Variants in MYO10 observed in about 807,000 individuals in gnomAD.
MYO10 encodes the protein unconventional myosin-X.
A neutral mutation model predicts 257.3 loss-of-function variants in MYO10; 133 were observed. The observed-to-expected ratio is 0.52, with a 90% CI of 0.45 to 0.60. The LOEUF is 0.60. Ranked by LOEUF, MYO10 falls within the 20% of genes least tolerant of loss-of-function variation. The probability of loss-of-function intolerance (pLI) is 0.00; values close to 1 mark genes in which losing one functional copy is unlikely to be tolerated. For missense variants in MYO10, 2,399 were observed against 2,635.7 expected (o/e 0.91, Z 1.97); for synonymous variants, 1,104 against 1,028.6 (o/e 1.07, Z -1.40).
Position 16,780,713 on chromosome 5 carries a change from A to G in MYO10, c.741+15T>C, listed in dbSNP as rs1046102152. 5.7e-6 allele frequency: 9 copies of G among 1,569,148 alleles called. No homozygotes were observed. The African/African-American group carries it at 8.1e-5, about 14-fold the overall frequency. On this transcript the variant is annotated intron_variant, in intron 7 of 40. Coordinates refer to ENST00000513610, the MANE Select transcript of MYO10 (RefSeq NM_012334.3). Reference sequence around the variant, plus strand: ...TATTATGGAAGAAAATGTGGATTAAATCACGTTTACTTACTTTTTCTAATA... The same window carrying G: ...TATTATGGAAGAAAATGTGGATTAAGTCACGTTTACTTACTTTTTCTAATA...
At chr5:16,768,468 C>T (rs760973830) in intron 10 of MYO10, among the ~76,000 whole-genome samples, 8 of 152,052 alleles carry the variant, frequency 5.3e-5, no homozygotes, top group Non-Finnish European at 1.0e-4. Context: ...CAACATTTTC[C>T]TATGTCGATT....
At chr5:16,721,667 A>G (rs535121592) in intron 19 of MYO10, among the ~76,000 whole-genome samples, 2 of 152,188 alleles carry the variant, frequency 1.3e-5, no homozygotes, top group African/African-American at 4.8e-5. Context: ...CTCACCAAGT[A>G]CAACCTTCAA....
intron 19 of MYO10, among the ~76,000 whole-genome samples, chr5:16,715,392 A>ATTTTTTTTTTTT (rs372307063): frequency 3.6e-5 from 3 of 84,336 alleles, no homozygotes; most frequent in Non-Finnish European, 6.3e-5. Context: ...TAAGATTGAA[A>ATTTTTTTTTTTT]TTTTTTTTTT....
chr5:16,746,930 T>C lies in MYO10; in HGVS notation c.1929+7898A>G, dbSNP rs114511003. ...GTTCCATCTCAATGTTAAAATCTAA[T>C]GTTTAATTAACCTTTCAGTTTAAAC... On this transcript the variant is annotated intron_variant, in intron 19 of 40. Coordinates refer to ENST00000513610, the MANE Select transcript of MYO10 (RefSeq NM_012334.3). Among the ~76,000 whole-genome samples, 424 of 152,334 alleles carry C rather than the reference T, an allele frequency of 2.8e-3. 3 individuals carry two copies. Among genetic ancestry groups the C allele is most frequent in the African/African-American group, 9.5e-3 (394 of 41,588 alleles).
chr5:16,794,927 A>G (rs928251999), intron 3 of MYO10, 94 bp from the exon 4 acceptor site: 2 of 1,012,096 alleles, frequency 2.0e-6, no homozygotes, highest in Non-Finnish European at 2.7e-6. Context: ...CCAGGGGGAA[A>G]GACGTCTTCT....
chr5:16,868,185 TAA>T (rs1744340901), intron 2 of MYO10, among the ~76,000 whole-genome samples: 2 of 152,240 alleles, frequency 1.3e-5, no homozygotes, highest in Non-Finnish European at 2.9e-5. Flanking sequence ...ACAATGTTCC[TAA>T]AGAGTGCTAC....
chr5:16,898,249 T>G (rs999214266), intron 1 of MYO10, among the ~76,000 whole-genome samples: 4 of 104,432 alleles, frequency 3.8e-5, no homozygotes, highest in Non-Finnish European at 7.5e-5. Context: ...TTTCTAATAA[T>G]CACATTAAAA....
chr5:16,669,180 TTC>T (rs1207642051), intron 39 of MYO10, among the ~76,000 whole-genome samples: 1 of 151,882 alleles, frequency 6.6e-6, no homozygotes, highest in African/African-American at 2.4e-5. Flanking sequence ...TAACCAGACA[TTC>T]TCTGCATCCT....
chr5:16,810,980 A>G (rs1742419388), intron 3 of MYO10, among the ~76,000 whole-genome samples: 2 of 150,570 alleles, frequency 1.3e-5, no homozygotes, highest in African/African-American at 4.9e-5. Flanking sequence ...GAGGCAGAAG[A>G]ATTGCTTGAA....
intron 2 of MYO10, among the ~76,000 whole-genome samples, chr5:16,823,980 C>T (rs1477994109): frequency 2.0e-5 from 3 of 152,076 alleles, no homozygotes; most frequent in Non-Finnish European, 4.4e-5. Context: ...TAAAATGATA[C>T]CTGAGAACAA....
chr5:16,722,861 G>A lies in MYO10; in HGVS notation c.1930-11616C>T, dbSNP rs572482445. On this transcript the variant is annotated intron_variant, in intron 19 of 40. Transcript: ENST00000513610. ...TCATTAAAATTAAAAACCTTCTTCC[G>A]AGAAAGATGCTGTTAAGGCAATGAA... Among the ~76,000 whole-genome samples the A allele has an allele frequency of 2.0e-5, 3 of 152,258 alleles. No individual in the cohort carries two copies. In the South Asian group the frequency reaches 6.2e-4, roughly 32 times the overall value.
At chr5:16,763,841 A>G in intron 12 of MYO10, 86 bp from the exon 13 acceptor site, 1 of 865,970 alleles carries the variant, frequency 1.2e-6, no homozygotes, top group Non-Finnish European at 1.8e-6. Flanking sequence ...AAAGATCTGC[A>G]GAGAAAAATA....
chr5:16,776,794 C>T (rs901665179), intron 9 of MYO10, among the ~76,000 whole-genome samples: 3 of 152,204 alleles, frequency 2.0e-5, no homozygotes, highest in Non-Finnish European at 4.4e-5. Flanking sequence ...TTCTCAGGGC[C>T]TTCCCAGGAC....
chr5:16,783,420 A>G lies in MYO10; in HGVS notation c.517T>C (p.Phe173Leu). The change falls in exon 5 of 41, where the codon TTT becomes CTT. Residue 173 changes from phenylalanine to leucine, a missense_variant. Around this residue, in one of 3 missense-constraint regions of MYO10, gnomAD observed 242 missense variants for 249.5 expected, o/e 0.97. Coordinates refer to ENST00000513610, the MANE Select transcript of MYO10 (RefSeq NM_012334.3). ...GACTGTTGACTGATGACTGACAGAA[A>G]CTTGAGGATCAATTTAGTGCTTTCG... ...KTESTKLILK[F>L]LSVISQQSLE... The G allele has an allele frequency of 6.2e-7, 1 of 1,610,494 alleles. No individual in the cohort carries two copies. Among genetic ancestry groups the G allele is most frequent in the Non-Finnish European group, 8.5e-7 (1 of 1,178,486 alleles).
Position 16,665,453 on chromosome 5 carries a change from C to T in MYO10, c.*1239G>A, listed in dbSNP as rs564960238. ...ACTTTTCCATATAAAAATAAAAAGTCCAAGACCAGATTATTTTTCTTCTGG... is the reference window on the plus strand; with the variant it reads ...ACTTTTCCATATAAAAATAAAAAGTTCAAGACCAGATTATTTTTCTTCTGG... On this transcript the variant is annotated 3_prime_UTR_variant, in exon 41 of 41. Coordinates refer to ENST00000513610, the MANE Select transcript of MYO10 (RefSeq NM_012334.3). 10 of 152,264 alleles carry T rather than the reference C, an allele frequency of 6.6e-5. No individual in the cohort carries two copies. The South Asian group carries it at 2.1e-3, about 32-fold the overall frequency. 9.4% of individuals were successfully genotyped at this position (152,264 alleles called of 1,614,324 possible).
At chr5:16,740,060 C>G (rs1014179597) in intron 19 of MYO10, among the ~76,000 whole-genome samples, 2 of 152,116 alleles carry the variant, frequency 1.3e-5, no homozygotes, top group African/African-American at 4.8e-5. Context: ...GCTAATGAAG[C>G]AGAGTGGACC....
At chr5:16,667,163 A>G (rs1331389425) in intron 40 of MYO10, among the ~76,000 whole-genome samples, 3 of 152,194 alleles carry the variant, frequency 2.0e-5, no homozygotes, top group African/African-American at 7.2e-5. Flanking sequence ...AGAGTCCACA[A>G]TTACAGCCTT....
At position 16,701,329 on chromosome 5, in the gene MYO10, G is replaced by A. The variant is rs1738054963; in HGVS notation, c.3066C>T (p.Gly1022=). ...EHGHSDQRTS[G]IRTSDDSSEE... ...CTGAAGAGTCATCGCTGGTCCGGAT[G>A]CCACTTGTTCGCTGGTCTGAGTGGC... Residue 1022 remains glycine (G), a synonymous_variant, in exon 25 of 41, where the codon GGC becomes GGT. Coordinates refer to ENST00000513610, the MANE Select transcript of MYO10 (RefSeq NM_012334.3). This position sits in a 1 kb window ranked among gnomAD's most constrained non-coding sequence, Gnocchi z 8.1. The A allele has an allele frequency of 6.2e-7, 1 of 1,613,860 alleles. No homozygotes were observed. The highest frequency in any genetic ancestry group is 8.5e-7 in the Non-Finnish European group (1 of 1,179,792).
rs377728133 is a variant in MYO10 at position 16,676,054 on chromosome 5, G to A, written c.4643C>T (p.Pro1548Leu). 4.1e-5 allele frequency: 66 copies of A among 1,610,324 alleles called. No homozygotes were observed. Among genetic ancestry groups the A allele is most frequent in the Non-Finnish European group, 4.7e-5 (55 of 1,178,876 alleles). The change falls in exon 34 of 41, where the codon CCG (proline) becomes CTG (leucine). Residue 1548 changes from proline to leucine, a missense_variant. Transcript: ENST00000513610. ...HPLHSPLLPLPYGDINLNLLK... is the reference protein window; with the variant it reads ...HPLHSPLLPLLYGDINLNLLK... ...ACAGTTGAGATTTATGTCCCCATAC[G>A]GAAGGGGCAGGAGCGGGGAGTGCAA...
Sources: allele counts gnomAD v4.1 joint callset (sites outside exome capture counted in the v4.1 genomes callset), GRCh38; gene constraint gnomAD v4.1.1; regional missense constraint gnomAD v4.1.1; non-coding constraint Gnocchi (gnomAD v3.1); transcripts MANE v1.5; gene names NCBI Gene and HGNC (gene_info 2026-07-23, HGNC 2026-07-21).